The following PCDHGA3 variants were observed in gnomAD, a reference collection of about 807,000 sequenced individuals.
The protein encoded by PCDHGA3 is protocadherin gamma-A3.
In PCDHGA3, 40 loss-of-function variants were observed where a neutral mutation model predicts 58.5. That is an observed-to-expected ratio of 0.68 (90% CI 0.53 to 0.89). PCDHGA3 has a LOEUF of 0.89. Among genes scored for constraint, PCDHGA3 ranks in the 40% least tolerant of loss-of-function variants. The probability of loss-of-function intolerance (pLI) is 0.00; values close to 1 mark genes in which losing one functional copy is unlikely to be tolerated. For missense variants in PCDHGA3, 1,223 were observed against 1,195.9 expected, an observed-to-expected ratio of 1.02 and a Z score of -0.33; for synonymous variants, 530 against 525.7, an observed-to-expected ratio of 1.01 and a Z score of -0.11.
At chr5:141,421,618 G>T (rs748399893) in intron 1 of PCDHGA3, 1 of 1,613,766 alleles carries the variant, frequency 6.2e-7, no homozygotes, top group Non-Finnish European at 8.5e-7. Flanking sequence ...TAATGATAAC[G>T]CCCCCAGCTT....
intron 1 of PCDHGA3, chr5:141,421,591 G>T: frequency 6.2e-7 from 1 of 1,613,874 alleles, no homozygotes; most frequent in Non-Finnish European, 8.5e-7. Context: ...CGGAGTGGAG[G>T]TGGAAATAAT....
At chr5:141,374,840 GA>G in intron 1 of PCDHGA3, 1 of 1,613,796 alleles carries the variant, frequency 6.2e-7, no homozygotes, top group Non-Finnish European at 8.5e-7. Flanking sequence ...AAGTGTTCCT[GA>G]AAACCTGCCA....
At chr5:141,349,095 G>A (rs1758233219) in intron 1 of PCDHGA3, among the ~76,000 whole-genome samples, 3 of 152,170 alleles carry the variant, frequency 2.0e-5, no homozygotes. Context: ...TTTTGAGACA[G>A]AGTCTTGCTC....
chr5:141,366,278 G>A, intron 1 of PCDHGA3: 1 of 1,613,712 alleles, frequency 6.2e-7, no homozygotes. Flanking sequence ...CGAAGACCAT[G>A]GCCAGCCCCC....
Position 141,409,297 on chromosome 5 carries a change from T to TGTGAATG in PCDHGA3, c.2424+62842_2424+62843insGAATGGT, listed in dbSNP as rs774936669. On this transcript the variant is annotated intron_variant, in intron 1 of 3. Transcript: ENST00000253812. ...TGGAGAATTCACCTCCAGGAATGGT[T>TGTGAATG]GTTGCCCTCTTCAAAACACGGGATC... The TGTGAATG allele has an allele frequency of 1.3e-5, 21 of 1,613,888 alleles. No homozygotes were observed. In the African/African-American group the frequency reaches 2.7e-4, roughly 21 times the overall value.
intron 1 of PCDHGA3, among the ~76,000 whole-genome samples, chr5:141,353,709 T>C (rs1759362592): frequency 6.6e-6 from 1 of 152,266 alleles, no homozygotes; most frequent in Non-Finnish European, 1.5e-5. Context: ...TTCTTGTTTC[T>C]TTAGTGTAGA....
At chr5:141,417,712 C>T in intron 1 of PCDHGA3, 1 of 1,270,436 alleles carries the variant, frequency 7.9e-7, no homozygotes, top group Non-Finnish European at 1.1e-6. Context: ...ACAGAGGCTC[C>T]CGGCTGCGCA....
chr5:141,491,662 A>C lies in PCDHGA3; in HGVS notation c.2425-3145A>C. 2 of 1,613,770 alleles carry C rather than the reference A, an allele frequency of 1.2e-6. No homozygotes were observed. The highest frequency in any genetic ancestry group is 1.7e-6 in the Non-Finnish European group (2 of 1,180,018). ...AGCTCTGGCGCTGGAGCCTGACGCC[A>C]TCCGGTCCCGCTCTAATACGCTGCG... On this transcript the variant is annotated intron_variant, in intron 1 of 3. Coordinates refer to ENST00000253812, the MANE Select transcript of PCDHGA3 (RefSeq NM_018916.4). This position sits in a 1 kb window ranked among gnomAD's most constrained non-coding sequence, Gnocchi z 6.9.
In PCDHGA3 at chr5:141,389,708, G is replaced by C. The variant is rs773973967; in HGVS notation, c.2424+43251G>C. On this transcript the variant is annotated intron_variant, in intron 1 of 3. Coordinates refer to ENST00000253812, the MANE Select transcript of PCDHGA3 (RefSeq NM_018916.4). ...CCTGGCTGTCCTACCACGTGCTGCA[G>C]GCTAGCGAGCCCGGGCTCTTCAGCC... The C allele has an allele frequency of 4.3e-6, 7 of 1,612,610 alleles. No homozygotes were observed. In the South Asian group the frequency reaches 7.7e-5, roughly 18 times the overall value.
At chr5:141,374,266 G>T in intron 1 of PCDHGA3, 1 of 1,614,016 alleles carries the variant, frequency 6.2e-7, no homozygotes, top group Non-Finnish European at 8.5e-7. Context: ...AGTTGGCGGA[G>T]CACGGAGTCC....
intron 1 of PCDHGA3, among the ~76,000 whole-genome samples, chr5:141,468,830 C>T (rs561511870): frequency 2.0e-5 from 3 of 152,170 alleles, no homozygotes; most frequent in East Asian, 1.9e-4. Flanking sequence ...CAAGCCACTG[C>T]ACTCCAGCCT....
rs778294045 is a variant in PCDHGA3 at position 141,399,841 on chromosome 5, G to A, written c.2424+53384G>A. 2 of 1,612,968 alleles carry A rather than the reference G, an allele frequency of 1.2e-6. No homozygotes were observed. Among genetic ancestry groups the A allele is most frequent in the African/African-American group, 1.3e-5 (1 of 74,926 alleles). ...GGGTCCCGACGGCTCTGCGCTCTTC[G>A]ATATGGTGCCGCGCGCTGCAGAGCC... On this transcript the variant is annotated intron_variant, in intron 1 of 3. Transcript: ENST00000253812.
intron 1 of PCDHGA3, chr5:141,393,065 G>C (rs980151183): frequency 6.2e-7 from 1 of 1,613,646 alleles, no homozygotes; most frequent in African/African-American, 1.3e-5. Context: ...GCGGCAGCTT[G>C]ATCACCGCGG....
intron 1 of PCDHGA3, chr5:141,360,434 C>T (rs761392081): frequency 1.9e-6 from 3 of 1,613,956 alleles, no homozygotes; most frequent in East Asian, 2.2e-5. Context: ...GGGAAGCAGC[C>T]TCTGTGTGTT....
intron 1 of PCDHGA3, among the ~76,000 whole-genome samples, chr5:141,480,098 T>C (rs1415853757): frequency 6.6e-6 from 1 of 152,168 alleles, no homozygotes. Context: ...GTATGCAAAG[T>C]GTTTAGCATG....
At position 141,476,151 on chromosome 5, in the gene PCDHGA3, G is replaced by A; in HGVS notation, c.2425-18656G>A. Reference sequence around the variant, plus strand: ...GAGGCCTGGAGGAGCGGACTGGTAAGCACCGGGAGGGTAGTGGGAGTTTTG... The same window carrying A: ...GAGGCCTGGAGGAGCGGACTGGTAAACACCGGGAGGGTAGTGGGAGTTTTG... On this transcript the variant is annotated intron_variant, in intron 1 of 3. Transcript: ENST00000253812. This position sits in a 1 kb window ranked among gnomAD's most constrained non-coding sequence, Gnocchi z 7.6. 1 of 1,612,022 alleles carries A rather than the reference G, an allele frequency of 6.2e-7. No individual in the cohort carries two copies. Among genetic ancestry groups the A allele is most frequent in the Admixed American group, 1.7e-5 (1 of 60,014 alleles).
chr5:141,500,187 TATTTA>T (rs1467273493), intron 2 of PCDHGA3, among the ~76,000 whole-genome samples: 2 of 110,668 alleles, frequency 1.8e-5, no homozygotes, highest in Non-Finnish European at 3.6e-5. Flanking sequence ...TTTTTATTTT[TATTTA>T]TTTATTTATT....
At position 141,346,281 on chromosome 5, in the gene PCDHGA3, C is replaced by T; in HGVS notation, c.2248C>T (p.Leu750=). The change falls in exon 1 of 4, where the codon CTG becomes TTG. Residue 750 remains leucine, a synonymous_variant. Transcript: ENST00000253812. ...FVGADGVRAF[L]QTYSHEVSLT... ...GGGCGCGGACGGGGTTCGGGCTTTC[C>T]TGCAGACCTATTCCCACGAGGTCTC... is the stretch of plus-strand genomic sequence containing the variant. 6.2e-7 allele frequency: 1 copy of T among 1,614,220 alleles called. No individual in the cohort carries two copies. The highest frequency in any genetic ancestry group is 8.5e-7 in the Non-Finnish European group (1 of 1,180,050).
chr5:141,353,252 T>A, intron 1 of PCDHGA3, among the ~76,000 whole-genome samples: 1 of 152,210 alleles, frequency 6.6e-6, no homozygotes, highest in East Asian at 1.9e-4. Context: ...CTTTTCTTAG[T>A]TGATATGCAA....
Sources: allele counts gnomAD v4.1 joint callset (sites outside exome capture counted in the v4.1 genomes callset), GRCh38; gene constraint gnomAD v4.1.1; non-coding constraint Gnocchi (gnomAD v3.1); transcripts MANE v1.5; gene names NCBI Gene and HGNC (gene_info 2026-07-23, HGNC 2026-07-21).